The following PCDHA8 variants were observed in gnomAD, a reference collection of about 807,000 sequenced individuals.
The protein encoded by PCDHA8 is protocadherin alpha 8, also known as protocadherin alpha-8.
A neutral mutation model predicts 61.8 loss-of-function variants in PCDHA8; 53 were observed. That is an observed-to-expected ratio of 0.86 (90% confidence interval 0.69 to 1.08). The LOEUF (loss-of-function observed/expected upper bound fraction) is 1.08. Among genes scored for constraint, PCDHA8 ranks in the 50% least tolerant of loss-of-function variants. The pLI, the probability that PCDHA8 is intolerant of heterozygous loss-of-function variation, is 0.00. For missense variants in PCDHA8, 1,293 were observed against 1,245.0 expected (o/e 1.04, Z -0.58); for synonymous variants, 618 against 556.6 (o/e 1.11, Z -1.55).
intron 1 of PCDHA8, chr5:140,857,672 C>T: frequency 2.5e-6 from 4 of 1,596,908 alleles, no homozygotes; most frequent in Middle Eastern, 3.8e-4. Context: ...TGGGGGCGTG[C>T]CGCCTCTGGG....
chr5:140,941,242 T>TC (rs1312617364), intron 1 of PCDHA8, among the ~76,000 whole-genome samples: 1 of 141,172 alleles, frequency 7.1e-6, no homozygotes, highest in East Asian at 2.0e-4. Flanking sequence ...TTTCTTTCTT[T>TC]CTTTCTTTCT....
chr5:140,883,885 C>T (rs550197512), intron 1 of PCDHA8: 4 of 1,613,260 alleles, frequency 2.5e-6, no homozygotes, highest in East Asian at 4.5e-5. Context: ...GCGCGCGCGA[C>T]TCTGGCGTGC....
chr5:140,894,478 A>C (rs2064495460), intron 1 of PCDHA8, among the ~76,000 whole-genome samples: 2 of 151,508 alleles, frequency 1.3e-5, no homozygotes, highest in South Asian at 4.2e-4. Context: ...TCTTGTTTTC[A>C]TCTTATAGTT....
intron 1 of PCDHA8, chr5:140,857,825 G>T: frequency 3.8e-6 from 6 of 1,597,886 alleles, no homozygotes; most frequent in Non-Finnish European, 3.4e-6. Flanking sequence ...GGTGGCTAAG[G>T]TGCGCGCAGT....
Position 140,967,283 on chromosome 5 carries a change from C to G in PCDHA8, c.2395-11666C>G, listed in dbSNP as rs782468433. The G allele has an allele frequency of 1.7e-5, 27 of 1,613,040 alleles. No homozygotes were observed. The Admixed American group carries it at 3.7e-4, about 22-fold the overall frequency. ...AGCGCGCTTTCACATAGAGAGTGCG[C>G]AGGACCCCGACGTGGGCGCCAACTC... On this transcript the variant is annotated intron_variant, in intron 1 of 3. Transcript: ENST00000531613.
chr5:140,863,793 G>A (rs2048183012), intron 1 of PCDHA8: 1 of 216,012 alleles, frequency 4.6e-6, no homozygotes, highest in East Asian at 1.1e-4. Flanking sequence ...GAGGCCAGGA[G>A]TTTGAGACCA....
At chr5:140,966,889 C>T in intron 1 of PCDHA8, 1 of 1,593,902 alleles carries the variant, frequency 6.3e-7, no homozygotes, top group Non-Finnish European at 8.5e-7. Flanking sequence ...GCCCTGCGGC[C>T]TCCCAGCTGC....
chr5:140,850,195 C>A, intron 1 of PCDHA8: 1 of 1,593,610 alleles, frequency 6.3e-7, no homozygotes, highest in South Asian at 1.1e-5. Context: ...GCGCTGCTGA[C>A]ACCTCGGATG....
intron 1 of PCDHA8, chr5:140,856,337 C>A (rs782782390): frequency 1.3e-6 from 2 of 1,598,382 alleles, no homozygotes; most frequent in Non-Finnish European, 1.7e-6. Flanking sequence ...GCTGTGCGGG[C>A]GGAGCGTGGA....
chr5:140,926,325 T>C (rs1441503834), intron 1 of PCDHA8: 1 of 151,866 alleles, frequency 6.6e-6, no homozygotes, highest in African/African-American at 2.4e-5. Flanking sequence ...TGCGCCGGGG[T>C]CAGAGCGCCG....
At chr5:140,874,174 G>A (rs2054753797) in intron 1 of PCDHA8, among the ~76,000 whole-genome samples, 1 of 152,292 alleles carries the variant, frequency 6.6e-6, no homozygotes, top group East Asian at 1.9e-4. Context: ...CTTTCCTGGT[G>A]TTGTAAAGGT....
At position 140,998,569 on chromosome 5, in the gene PCDHA8, G is replaced by GTTT. The variant is rs71574497; in HGVS notation, c.2543-11048_2543-11046dup. ...TTAATGTCTAATTTATTGTAAATAA[G>GTTT]TTTTTTTTTTTTGAGACAGAGTTTT... On this transcript the variant is annotated intron_variant, in intron 3 of 3. Transcript: ENST00000531613. Among the ~76,000 whole-genome samples, 105 of 149,398 alleles carry GTTT rather than the reference G, an allele frequency of 7.0e-4. 1 individual carries two copies. Among genetic ancestry groups the GTTT allele is most frequent in the Middle Eastern group, 3.4e-3 (1 of 292 alleles).
chr5:140,967,210 C>A, intron 1 of PCDHA8: 1 of 1,613,674 alleles, frequency 6.2e-7, no homozygotes, highest in Non-Finnish European at 8.5e-7. Flanking sequence ...CACCGCGTTT[C>A]CCGCGGCCCA....
chr5:140,961,571 A>AT (rs2095622432), intron 1 of PCDHA8, among the ~76,000 whole-genome samples: 1 of 152,076 alleles, frequency 6.6e-6, no homozygotes. Flanking sequence ...TTTTGTTTTG[A>AT]TAAGCATTTA....
At chr5:140,947,642 C>T (rs62384502) in intron 1 of PCDHA8, among the ~76,000 whole-genome samples, 2 of 151,520 alleles carry the variant, frequency 1.3e-5, no homozygotes, top group East Asian at 1.9e-4. Context: ...ATCGTATGAA[C>T]ATATATACCT....
At chr5:141,009,463 A>C in intron 3 of PCDHA8, 164 bp from the exon 4 acceptor site, 1 of 954,884 alleles carries the variant, frequency 1.0e-6, no homozygotes, top group Non-Finnish European at 1.2e-6. Context: ...AAACAAATAA[A>C]TAAATAAGTA....
chr5:140,912,532 G>T (rs1554195398), intron 1 of PCDHA8, among the ~76,000 whole-genome samples: 1 of 152,092 alleles, frequency 6.6e-6, no homozygotes, highest in African/African-American at 2.4e-5. Flanking sequence ...CAGAGTACAT[G>T]ATCATATTGT....
At chr5:140,928,536 GA>G (rs782686789) in intron 1 of PCDHA8, 1 of 1,614,228 alleles carries the variant, frequency 6.2e-7, no homozygotes, top group Non-Finnish European at 8.5e-7. Context: ...TGGTAGATAG[GA>G]ATGACAATTA....
intron 1 of PCDHA8, chr5:140,875,557 G>A (rs2055595805): frequency 6.2e-7 from 1 of 1,613,946 alleles, no homozygotes; most frequent in Non-Finnish European, 8.5e-7. Flanking sequence ...GGTGGGGAGC[G>A]GCCAGCTCCA....
Sources: gnomAD v4.1 joint callset for allele counts (sites outside exome capture counted in the v4.1 genomes callset) on GRCh38, gnomAD v4.1.1 for gene constraint, MANE v1.5 for transcripts, NCBI Gene and HGNC (gene_info 2026-07-23, HGNC 2026-07-21) for gene names.